Variants in MAPRE3 observed in about 807,000 individuals in gnomAD.
MAPRE3 encodes the protein microtubule associated protein RP/EB family member 3.
MAPRE3 carries 2 observed loss-of-function variants against 30.5 expected under a neutral mutation model. That is an observed-to-expected ratio of 0.07 (90% CI 0.03 to 0.21). MAPRE3 has a LOEUF of 0.21. Ranked by LOEUF, MAPRE3 falls within the 10% of genes least tolerant of loss-of-function variation. The probability of loss-of-function intolerance (pLI) is 1.00; values close to 1 mark genes in which losing one functional copy is unlikely to be tolerated. For synonymous variants in MAPRE3, 110 were observed against 127.7 expected (o/e 0.86, Z 0.93); for missense variants, 204 against 351.8 (o/e 0.58, Z 3.36).
chr2:27,002,763 T>G (rs1666628469), intron 1 of MAPRE3: 1 of 152,238 alleles, frequency 6.6e-6, no homozygotes, highest in Non-Finnish European at 1.5e-5. Flanking sequence ...TGCACCTCGC[T>G]CATCTATTCT....
intron 1 of MAPRE3, chr2:27,012,954 A>T (rs1428917583): frequency 6.5e-6 from 1 of 152,734 alleles, no homozygotes; most frequent in South Asian, 2.1e-4. Flanking sequence ...GGATGCAGAC[A>T]TTTCAGAGAA....
At chr2:26,992,345 GC>G (rs1406707456) in intron 1 of MAPRE3, among the ~76,000 whole-genome samples, 1 of 151,532 alleles carries the variant, frequency 6.6e-6, no homozygotes, top group African/African-American at 2.4e-5. Context: ...TCCTGCCTCA[GC>G]CTCCCAAGTA....
intron 1 of MAPRE3, among the ~76,000 whole-genome samples, chr2:26,974,691 T>C (rs1665983119): frequency 6.6e-6 from 1 of 152,236 alleles, no homozygotes. Flanking sequence ...TCCAGCCATC[T>C]CCTGGCTGTG....
intron 1 of MAPRE3, among the ~76,000 whole-genome samples, chr2:27,000,791 C>T (rs1032263826): frequency 1.3e-5 from 2 of 152,220 alleles, no homozygotes; most frequent in African/African-American, 2.4e-5. Flanking sequence ...CCTTGTAAAA[C>T]CAGGGCTCCA....
At position 26,985,659 on chromosome 2, in the gene MAPRE3, C is replaced by G. The variant is rs1666202099; in HGVS notation, c.-8+14857C>G. Among the ~76,000 whole-genome samples the G allele has an allele frequency of 6.6e-6, 1 of 152,224 alleles. No individual in the cohort carries two copies. Among genetic ancestry groups the G allele is most frequent in the Admixed American group, 6.5e-5 (1 of 15,280 alleles). On this transcript the variant is annotated intron_variant, in intron 1 of 6. Transcript: ENST00000233121. This position sits in a 1 kb window ranked among gnomAD's most constrained non-coding sequence, Gnocchi z 4.2. ...CTGTGAGAGTTCTAATCCCCCAGAACTGGTAAATATTCCTTTATAGGACAA... is the reference window on the plus strand; with the variant it reads ...CTGTGAGAGTTCTAATCCCCCAGAAGTGGTAAATATTCCTTTATAGGACAA...
chr2:27,002,249 C>T (rs1666616336), intron 1 of MAPRE3: 1 of 152,182 alleles, frequency 6.6e-6, no homozygotes, highest in Admixed American at 6.5e-5. Flanking sequence ...GGATGTGTCA[C>T]AATTTATTTA....
In MAPRE3 at chr2:27,027,180, C is replaced by G. The variant is rs1667263653; in HGVS notation, c.*832C>G. The G allele has an allele frequency of 6.6e-6, 1 of 152,414 alleles. No individual in the cohort carries two copies. The highest frequency in any genetic ancestry group is 2.4e-5 in the African/African-American group (1 of 41,448). The allele number at this position is 152,414 out of a possible 1,614,324, so 9.4% of individuals were successfully genotyped here. ...ATGTGTTCACTTTTATTTAAATAAA[C>G]TTGTGTGGTAAAAGTACATGCCATG... is the stretch of plus-strand genomic sequence containing the variant. On this transcript the variant is annotated 3_prime_UTR_variant, in exon 7 of 7. Transcript: ENST00000233121.
chr2:27,010,808 C>CA (rs1235524548), intron 1 of MAPRE3, among the ~76,000 whole-genome samples: 2 of 152,166 alleles, frequency 1.3e-5, no homozygotes, highest in Non-Finnish European at 2.9e-5. Context: ...TGCAGGCAGT[C>CA]ACTCACTATC....
intron 1 of MAPRE3, among the ~76,000 whole-genome samples, chr2:26,998,615 G>C (rs926232109): frequency 3.9e-5 from 6 of 152,118 alleles, no homozygotes; most frequent in Admixed American, 6.6e-5. Context: ...CAATAGGGCT[G>C]AAAAAAATCC....
At chr2:26,991,756 C>T (rs143067499) in intron 1 of MAPRE3, among the ~76,000 whole-genome samples, 145 of 152,280 alleles carry the variant, frequency 9.5e-4, no homozygotes, top group African/African-American at 3.2e-3. Flanking sequence ...CGTCTAGGCA[C>T]GCATCCTGTC....
At chr2:26,979,994 G>A (rs780592481) in intron 1 of MAPRE3, among the ~76,000 whole-genome samples, 14 of 152,118 alleles carry the variant, frequency 9.2e-5, no homozygotes, top group Non-Finnish European at 1.5e-4. Flanking sequence ...ACAGAGGAGG[G>A]CTGGATTCCC....
At chr2:26,971,465 C>G (rs544120224) in intron 1 of MAPRE3, among the ~76,000 whole-genome samples, 3 of 152,280 alleles carry the variant, frequency 2.0e-5, no homozygotes, top group African/African-American at 7.2e-5. Flanking sequence ...GCCTGGTGGC[C>G]TTCTAGTGGG....
intron 1 of MAPRE3, among the ~76,000 whole-genome samples, chr2:27,016,378 T>C (rs2148223372): frequency 6.6e-6 from 1 of 150,430 alleles, no homozygotes; most frequent in African/African-American, 2.4e-5. Context: ...CGTCAGGTTA[T>C]GTCTTTTTTT....
chr2:27,018,182 C>T (rs1169005924), intron 1 of MAPRE3, among the ~76,000 whole-genome samples: 1 of 152,218 alleles, frequency 6.6e-6, no homozygotes, highest in Non-Finnish European at 1.5e-5. Flanking sequence ...CAACCTAAGA[C>T]TACTCCTTGC....
chr2:27,018,495 C>A (rs1230530475), intron 1 of MAPRE3, among the ~76,000 whole-genome samples: 25 of 152,216 alleles, frequency 1.6e-4, no homozygotes, highest in Admixed American at 1.6e-3. Context: ...CTTGCTGTTT[C>A]TAGCACACTT....
chr2:26,993,390 G>A (rs775765589), intron 1 of MAPRE3, among the ~76,000 whole-genome samples: 2 of 151,956 alleles, frequency 1.3e-5, no homozygotes, highest in Non-Finnish European at 2.9e-5. Flanking sequence ...AAAAAAATTA[G>A]GACATTATTA....
intron 3 of MAPRE3, 55 bp downstream of exon 3, chr2:27,023,532 G>A (rs1173000345): frequency 6.2e-7 from 1 of 1,608,320 alleles, no homozygotes; most frequent in Admixed American, 1.7e-5. Flanking sequence ...TGGGGAAGAA[G>A]AGGACCCACC....
chr2:26,993,090 C>G (rs1470252292), intron 1 of MAPRE3, among the ~76,000 whole-genome samples: 2 of 152,142 alleles, frequency 1.3e-5, no homozygotes, highest in East Asian at 3.8e-4. Context: ...ACGTTATTAG[C>G]CAGGCGCAGT....
At chr2:27,016,804 C>A (rs990902297) in intron 1 of MAPRE3, among the ~76,000 whole-genome samples, 1 of 152,166 alleles carries the variant, frequency 6.6e-6, no homozygotes, top group African/African-American at 2.4e-5. Context: ...CCAAGTCAAC[C>A]CCCAATGCAA....
Sources: gnomAD v4.1 joint callset for allele counts (sites outside exome capture counted in the v4.1 genomes callset) on GRCh38, gnomAD v4.1.1 for gene constraint, Gnocchi (gnomAD v3.1) non-coding constraint, MANE v1.5 for transcripts, NCBI Gene and HGNC (gene_info 2026-07-23, HGNC 2026-07-21) for gene names.